The following LIMCH1 variants were observed in gnomAD, a reference collection of about 807,000 sequenced individuals.
The protein encoded by LIMCH1 is LIM and calponin homology domains 1, also known as LIM and calponin homology domains-containing protein 1.
LIMCH1 carries 113 observed loss-of-function variants against 176.5 expected under a neutral mutation model. That is an observed-to-expected ratio of 0.64 (90% CI 0.55 to 0.75). The LOEUF is 0.75. Ranked by LOEUF, LIMCH1 falls within the 30% of genes least tolerant of loss-of-function variation. The probability of loss-of-function intolerance (pLI) is 0.00; values close to 1 mark genes in which losing one functional copy is unlikely to be tolerated. For missense variants in LIMCH1, 1,674 were observed against 1,814.9 expected (o/e 0.92, Z 1.41); for synonymous variants, 619 against 645.9 (o/e 0.96, Z 0.63).
chr4:41,691,109 G>A (rs1294645622), intron 30 of LIMCH1, among the ~76,000 whole-genome samples: 1 of 152,052 alleles, frequency 6.6e-6, no homozygotes, highest in East Asian at 1.9e-4. Flanking sequence ...AACTCTCAAG[G>A]CCTTTATTCA....
Position 41,680,241 on chromosome 4 carries a change from A to G in LIMCH1, c.3612+143A>G. The G allele has an allele frequency of 9.4e-6, 6 of 639,734 alleles. No individual in the cohort carries two copies. The South Asian group carries it at 9.6e-5, about 10-fold the overall frequency. 39.6% of individuals were successfully genotyped at this position (639,734 alleles called of 1,614,324 possible). A position where few individuals can be genotyped will look rare whatever the true frequency, so the allele number is the denominator to read the frequency against. Reference sequence around the variant, plus strand: ...GCAGAATCCCATCAAGCTCTTTAAAACAGTCATGTCATTTAGGTTCTAAAA... The same window carrying G: ...GCAGAATCCCATCAAGCTCTTTAAAGCAGTCATGTCATTTAGGTTCTAAAA... On this transcript the variant is annotated intron_variant, in intron 24 of 31. Transcript: ENST00000503057.
intron 1 of LIMCH1, among the ~76,000 whole-genome samples, chr4:41,409,365 A>G (rs1453152064): frequency 6.6e-6 from 1 of 152,196 alleles, no homozygotes; most frequent in African/African-American, 2.4e-5. Context: ...TTCTAGGCCC[A>G]GAATATCAAG....
chr4:41,606,325 C>T (rs2090705138), intron 4 of LIMCH1, among the ~76,000 whole-genome samples: 2 of 152,106 alleles, frequency 1.3e-5, no homozygotes, highest in Admixed American at 6.6e-5. Flanking sequence ...GGGAATAATG[C>T]TTGAATTAAA....
chr4:41,447,655 T>C (rs2063417674), intron 1 of LIMCH1, among the ~76,000 whole-genome samples: 1 of 152,184 alleles, frequency 6.6e-6, no homozygotes, highest in Non-Finnish European at 1.5e-5. Flanking sequence ...ATCCTGAAAA[T>C]GCGGGACCAT....
At chr4:41,456,547 T>C (rs1460024281) in intron 1 of LIMCH1, among the ~76,000 whole-genome samples, 2 of 151,918 alleles carry the variant, frequency 1.3e-5, no homozygotes, top group African/African-American at 2.4e-5. Context: ...ACAGAGACGC[T>C]AAGGCAGAGG....
At chr4:41,659,097 C>G (rs1330054591) in intron 18 of LIMCH1, among the ~76,000 whole-genome samples, 1 of 152,102 alleles carries the variant, frequency 6.6e-6, no homozygotes, top group Non-Finnish European at 1.5e-5. Context: ...TCTTCAAATC[C>G]TACTACCATG....
At chr4:41,682,553 C>A in intron 26 of LIMCH1, 93 bp downstream of exon 26, 2 of 1,223,280 alleles carry the variant, frequency 1.6e-6, no homozygotes, top group South Asian at 1.7e-5. Flanking sequence ...ATGCAAATTA[C>A]ATTCAGCTTC....
At chr4:41,666,803 CT>C in intron 21 of LIMCH1, 137 bp downstream of exon 21, 1 of 626,942 alleles carries the variant, frequency 1.6e-6, no homozygotes, top group Non-Finnish European at 2.8e-6. Context: ...TCTGTGATAG[CT>C]GAATTTATGA....
intron 4 of LIMCH1, 86 bp from the exon 5 acceptor site, chr4:41,613,379 GT>G: frequency 2.1e-5 from 24 of 1,143,656 alleles, no homozygotes; most frequent in East Asian, 5.0e-5. Context: ...ATATGCAGGG[GT>G]TTTTTTGGAG....
chr4:41,557,750 G>T (rs2081474815), intron 1 of LIMCH1, among the ~76,000 whole-genome samples: 1 of 152,158 alleles, frequency 6.6e-6, no homozygotes, highest in Non-Finnish European at 1.5e-5. Flanking sequence ...AAGCCACATA[G>T]GGTGAAGGTG....
At chr4:41,661,662 G>C (rs1471068253) in intron 19 of LIMCH1, 152 bp downstream of exon 19, 6 of 671,490 alleles carry the variant, frequency 8.9e-6, no homozygotes, top group African/African-American at 1.8e-5. Context: ...GAGGCTTCCT[G>C]GGGAAGTTCT....
intron 18 of LIMCH1, among the ~76,000 whole-genome samples, chr4:41,653,940 C>A (rs577724368): frequency 5.9e-5 from 9 of 152,194 alleles, no homozygotes; most frequent in Non-Finnish European, 1.3e-4. Flanking sequence ...AGTTGAATCA[C>A]CTTTATGGTA....
chr4:41,429,005 G>T (rs2061361349), intron 1 of LIMCH1, among the ~76,000 whole-genome samples: 1 of 152,094 alleles, frequency 6.6e-6, no homozygotes, highest in Non-Finnish European at 1.5e-5. Context: ...CTGTGAAAGG[G>T]CCTCCTTGTT....
chr4:41,578,525 A>G (rs894664488), intron 1 of LIMCH1, among the ~76,000 whole-genome samples: 1 of 152,132 alleles, frequency 6.6e-6, no homozygotes, highest in African/African-American at 2.4e-5. Context: ...GAGACTGTCA[A>G]CTTCTTTATA....
chr4:41,398,609 A>G (rs138904606), intron 1 of LIMCH1, among the ~76,000 whole-genome samples: 6 of 152,268 alleles, frequency 3.9e-5, no homozygotes, highest in African/African-American at 1.4e-4. Flanking sequence ...TTGCATCTGA[A>G]CTGAAATCTG....
chr4:41,545,689 A>G (rs1440424461), intron 1 of LIMCH1, among the ~76,000 whole-genome samples: 4 of 152,260 alleles, frequency 2.6e-5, no homozygotes, highest in Admixed American at 1.3e-4. Context: ...TATTTAATCA[A>G]TAAATGAGTG....
intron 1 of LIMCH1, among the ~76,000 whole-genome samples, chr4:41,565,494 G>A (rs1434275591): frequency 6.6e-6 from 1 of 151,150 alleles, no homozygotes; most frequent in African/African-American, 2.4e-5. Context: ...ACTAGTGTTT[G>A]TTGTCTGTTT....
intron 21 of LIMCH1, chr4:41,670,727 G>T (rs1056617282): frequency 6.5e-7 from 1 of 1,535,674 alleles, no homozygotes; most frequent in Non-Finnish European, 8.7e-7. Context: ...GAGTCGCCTG[G>T]CACTGCCAGT....
At chr4:41,617,185 G>A (rs1476911953) in intron 5 of LIMCH1, among the ~76,000 whole-genome samples, 1 of 152,132 alleles carries the variant, frequency 6.6e-6, no homozygotes, top group Non-Finnish European at 1.5e-5. Flanking sequence ...CCATCACTAA[G>A]CTTTCATAGT....
Sources: gnomAD v4.1 joint callset for allele counts (sites outside exome capture counted in the v4.1 genomes callset) on GRCh38, gnomAD v4.1.1 for gene constraint, MANE v1.5 for transcripts, NCBI Gene and HGNC (gene_info 2026-07-23, HGNC 2026-07-21) for gene names.